Variants in SLC22A4 observed in about 807,000 individuals in gnomAD.
The protein encoded by SLC22A4 is ET transporter.
SLC22A4 carries 39 observed loss-of-function variants against 56.6 expected under a neutral mutation model. That is an observed-to-expected ratio of 0.69 (90% CI 0.53 to 0.90). The LOEUF is 0.90. SLC22A4 is among the 40% of genes least tolerant of loss of function. The probability of loss-of-function intolerance (pLI) is 0.00; values close to 1 mark genes in which losing one functional copy is unlikely to be tolerated. For synonymous variants in SLC22A4, 241 were observed against 281.4 expected (o/e 0.86, Z 1.44); for missense variants, 594 against 696.5 (o/e 0.85, Z 1.66).
At chr5:132,310,911 G>A (rs1263663554) in intron 1 of SLC22A4, among the ~76,000 whole-genome samples, 1 of 152,170 alleles carries the variant, frequency 6.6e-6, no homozygotes, top group East Asian at 1.9e-4. Context: ...CAAGCAGGCA[G>A]GCCCGTGGAC....
chr5:132,296,204 C>T (rs1055728429), intron 1 of SLC22A4, among the ~76,000 whole-genome samples: 1 of 152,186 alleles, frequency 6.6e-6, no homozygotes, highest in Non-Finnish European at 1.5e-5. Context: ...AAAATGTGAG[C>T]AAGACCTGTC....
intron 4 of SLC22A4, among the ~76,000 whole-genome samples, chr5:132,323,306 C>G (rs1750596584): frequency 6.6e-6 from 1 of 152,176 alleles, no homozygotes; most frequent in Non-Finnish European, 1.5e-5. Context: ...TTGCCCTGTC[C>G]TTTGGATACC....
intron 3 of SLC22A4, among the ~76,000 whole-genome samples, chr5:132,316,836 A>T (rs11950562): frequency 1.3e-5 from 2 of 152,064 alleles, no homozygotes; most frequent in South Asian, 4.1e-4. Context: ...TAAATTGAAC[A>T]GTTGAAATAT....
intron 3 of SLC22A4, among the ~76,000 whole-genome samples, chr5:132,314,702 T>A (rs1373814343): frequency 6.6e-6 from 1 of 152,252 alleles, no homozygotes; most frequent in Non-Finnish European, 1.5e-5. Flanking sequence ...CTCTGATTGC[T>A]TTTTAAGAGT....
At chr5:132,319,623 G>A (rs142827084) in intron 3 of SLC22A4, among the ~76,000 whole-genome samples, 92 of 152,266 alleles carry the variant, frequency 6.0e-4, no homozygotes, top group African/African-American at 2.2e-3. Flanking sequence ...ATGGAGTTTC[G>A]CTCTTGTTGC....
chr5:132,300,280 C>CTG (rs1749880526), intron 1 of SLC22A4, among the ~76,000 whole-genome samples: 1 of 152,142 alleles, frequency 6.6e-6, no homozygotes, highest in Non-Finnish European at 1.5e-5. Flanking sequence ...AAGTTGGTGT[C>CTG]TGTGGAATTT....
At chr5:132,338,074 C>T (rs923935830) in intron 8 of SLC22A4, among the ~76,000 whole-genome samples, 12 of 152,112 alleles carry the variant, frequency 7.9e-5, no homozygotes, top group Middle Eastern at 3.4e-3. Context: ...TGGTGTATAT[C>T]GGGCAAAATT....
chr5:132,343,670 G>A (rs1751285664), intron 9 of SLC22A4, 90 bp from the exon 10 acceptor site: 1 of 790,320 alleles, frequency 1.3e-6, no homozygotes, highest in Non-Finnish European at 2.2e-6. Context: ...ATTGATTGGA[G>A]AAATATTTTT....
At chr5:132,299,717 G>A (rs778863047) in intron 1 of SLC22A4, among the ~76,000 whole-genome samples, 2 of 152,174 alleles carry the variant, frequency 1.3e-5, no homozygotes, top group Non-Finnish European at 2.9e-5. Context: ...GCCTCCCAAA[G>A]TGTTGGGATT....
chr5:132,295,113 C>T, intron 1 of SLC22A4, 104 bp downstream of exon 1: 2 of 1,252,270 alleles, frequency 1.6e-6, no homozygotes, highest in Non-Finnish European at 2.3e-6. Context: ...CGCTCCCCTC[C>T]CCCTCAAACC....
At chr5:132,312,800 A>T (rs1750219574) in intron 2 of SLC22A4, among the ~76,000 whole-genome samples, 1 of 152,210 alleles carries the variant, frequency 6.6e-6, no homozygotes, top group South Asian at 2.1e-4. Flanking sequence ...ACCAGGAGAC[A>T]GTATTCCACA....
chr5:132,341,194 C>T (rs945300401), intron 9 of SLC22A4, among the ~76,000 whole-genome samples: 10 of 151,698 alleles, frequency 6.6e-5, no homozygotes, highest in African/African-American at 1.9e-4. Flanking sequence ...CTGAGGCAGG[C>T]GGATCATGAG....
At chr5:132,303,757 A>G (rs1749959261) in intron 1 of SLC22A4, among the ~76,000 whole-genome samples, 1 of 152,194 alleles carries the variant, frequency 6.6e-6, no homozygotes, top group Non-Finnish European at 1.5e-5. Flanking sequence ...CATACGGCAG[A>G]GATTCCACAC....
chr5:132,312,856 T>G (rs1344065677), intron 2 of SLC22A4, among the ~76,000 whole-genome samples: 2 of 152,126 alleles, frequency 1.3e-5, no homozygotes, highest in Non-Finnish European at 2.9e-5. Context: ...GTGGGGGTAC[T>G]AAATGGCAAT....
chr5:132,316,349 G>A (rs557195781), intron 3 of SLC22A4, among the ~76,000 whole-genome samples: 8 of 152,232 alleles, frequency 5.3e-5, no homozygotes, highest in South Asian at 2.1e-4. Flanking sequence ...TGGTGTTGCC[G>A]GAATGATGCT....
At chr5:132,338,361 G>A (rs574744286) in intron 8 of SLC22A4, among the ~76,000 whole-genome samples, 117 of 152,188 alleles carry the variant, frequency 7.7e-4, no homozygotes, top group Non-Finnish European at 1.4e-3. Context: ...TGGAGGCAGG[G>A]TGAGATCACA....
chr5:132,316,843 A>G (rs983420873), intron 3 of SLC22A4, among the ~76,000 whole-genome samples: 4 of 152,252 alleles, frequency 2.6e-5, no homozygotes, highest in Non-Finnish European at 5.9e-5. Context: ...AACAGTTGAA[A>G]TATAATTTTG....
chr5:132,322,215 T>G lies in SLC22A4; in HGVS notation c.684T>G (p.Ile228Met). 4 of 1,613,764 alleles carry G rather than the reference T, an allele frequency of 2.5e-6. No homozygotes were observed. The highest frequency in any genetic ancestry group is 3.4e-6 in the Non-Finnish European group (4 of 1,179,828). The change falls in exon 4 of 10, where the codon ATT (isoleucine) becomes ATG (methionine). Residue 228 changes from isoleucine (I) to methionine (M), a missense_variant. Transcript: ENST00000200652. ...AAATTCTTGGCAAGTCAGTTCGTAT[T>G]ATATTCTCTACATTAGGAGTGTGCA... The part of the protein sequence containing the change: ...GTEILGKSVR[I>M]IFSTLGVCTF...
At chr5:132,321,438 T>C (rs541748443) in intron 3 of SLC22A4, among the ~76,000 whole-genome samples, 1 of 152,296 alleles carries the variant, frequency 6.6e-6, no homozygotes, top group South Asian at 2.1e-4. Flanking sequence ...AGTTCAGAAC[T>C]GTTGGAAAGG....
Sources: allele counts gnomAD v4.1 joint callset (sites outside exome capture counted in the v4.1 genomes callset), GRCh38; gene constraint gnomAD v4.1.1; transcripts MANE v1.5; gene names NCBI Gene and HGNC (gene_info 2026-07-23, HGNC 2026-07-21).